The following FRAS1 variants were observed in gnomAD, a reference collection of about 807,000 sequenced individuals.
FRAS1 encodes the protein Fraser extracellular matrix complex subunit 1.
A neutral mutation model predicts 435.2 loss-of-function variants in FRAS1; 290 were observed. That is an observed-to-expected ratio of 0.67 (90% CI 0.61 to 0.73). FRAS1 has a LOEUF of 0.73. FRAS1 is among the 30% of genes least tolerant of loss of function. FRAS1 has a pLI of 0.00. For missense variants in FRAS1, 4,860 were observed against 5,001.5 expected (o/e 0.97, Z 0.85); for synonymous variants, 1,800 against 1,851.0 (o/e 0.97, Z 0.71).
At chr4:78,130,857 A>AT (rs1406840615) in intron 2 of FRAS1, among the ~76,000 whole-genome samples, 1 of 152,216 alleles carries the variant, frequency 6.6e-6, no homozygotes, top group East Asian at 1.9e-4. Flanking sequence ...AACTATAGCT[A>AT]AAAAGTCATA....
At position 78,384,144 on chromosome 4, in the gene FRAS1, G is replaced by A. The variant is rs1250623256; in HGVS notation, c.3648+1G>A. On this transcript the variant is annotated splice_donor_variant, in intron 28 of 73. Coordinates refer to ENST00000512123, the MANE Select transcript of FRAS1 (RefSeq NM_025074.7). LOFTEE classifies it high-confidence loss of function. ...CAACATACAAGCATTTTCAACACAG[G>A]TAATAAAAATGGCCACGTAATTAAT... 1 of 1,578,676 alleles carries A rather than the reference G, an allele frequency of 6.3e-7. No homozygotes were observed. Among genetic ancestry groups the A allele is most frequent in the Admixed American group, 1.9e-5 (1 of 53,482 alleles).
intron 2 of FRAS1, among the ~76,000 whole-genome samples, chr4:78,193,829 T>G (rs1371715905): frequency 6.6e-6 from 1 of 152,196 alleles, no homozygotes; most frequent in East Asian, 1.9e-4. Flanking sequence ...GTTAGCTGGT[T>G]ATTTTGCTTG....
intron 2 of FRAS1, among the ~76,000 whole-genome samples, chr4:78,180,596 A>C (rs1180288113): frequency 1.3e-5 from 2 of 152,326 alleles, no homozygotes; most frequent in African/African-American, 4.8e-5. Context: ...GCAATACAAA[A>C]GTATTCATGA....
chr4:78,152,425 TG>T lies in FRAS1; in HGVS notation c.109-85082del, dbSNP rs1410932716. ...GTTTAGGGCCACTGTCTGCTTATTC[TG>T]GGCTCTCAAAGAGACTAATGTACTT... On this transcript the variant is annotated intron_variant, in intron 2 of 73. Coordinates refer to ENST00000512123, the MANE Select transcript of FRAS1 (RefSeq NM_025074.7). Among the ~76,000 whole-genome samples the T allele has an allele frequency of 3.3e-5, 5 of 152,146 alleles. No individual in the cohort carries two copies. The East Asian group carries it at 9.6e-4, about 29-fold the overall frequency.
intron 56 of FRAS1, among the ~76,000 whole-genome samples, chr4:78,480,771 G>A (rs1719988528): frequency 1.3e-5 from 2 of 152,182 alleles, no homozygotes; most frequent in African/African-American, 4.8e-5. Flanking sequence ...GCTGGCAGAG[G>A]GGCAACAGCT....
chr4:78,076,153 G>A (rs1740627760), intron 2 of FRAS1, among the ~76,000 whole-genome samples: 1 of 152,074 alleles, frequency 6.6e-6, no homozygotes, highest in South Asian at 2.1e-4. Context: ...AGCTTTGGAG[G>A]GGGTGTGGGT....
intron 20 of FRAS1, among the ~76,000 whole-genome samples, chr4:78,346,237 T>C (rs183492487): frequency 5.9e-5 from 9 of 152,252 alleles, no homozygotes; most frequent in African/African-American, 2.2e-4. Context: ...AGCGTCAATG[T>C]TGATTCTGAT....
intron 47 of FRAS1, among the ~76,000 whole-genome samples, chr4:78,457,475 C>G (rs951994624): frequency 5.9e-5 from 9 of 152,112 alleles, no homozygotes; most frequent in Non-Finnish European, 1.3e-4. Flanking sequence ...CAGAGCATTT[C>G]CCCACCCTTC....
At chr4:78,318,723 C>CT in intron 17 of FRAS1, 87 bp from the exon 18 acceptor site, 2 of 1,328,276 alleles carry the variant, frequency 1.5e-6, no homozygotes, top group Non-Finnish European at 2.0e-6. Flanking sequence ...ATTTGGTGAA[C>CT]TTTTCTAAGT....
chr4:78,122,041 A>C (rs1171907563), intron 2 of FRAS1, among the ~76,000 whole-genome samples: 1 of 152,194 alleles, frequency 6.6e-6, no homozygotes, highest in Non-Finnish European at 1.5e-5. Flanking sequence ...GTTTTGTTAC[A>C]TAGGTATACA....
chr4:78,333,633 C>T (rs1375831878), intron 19 of FRAS1, among the ~76,000 whole-genome samples: 5 of 152,178 alleles, frequency 3.3e-5, no homozygotes, highest in Non-Finnish European at 7.3e-5. Context: ...ATCAGCTTTA[C>T]CCTAGAAACT....
intron 15 of FRAS1, among the ~76,000 whole-genome samples, chr4:78,309,807 G>A (rs1728944500): frequency 6.6e-6 from 1 of 152,130 alleles, no homozygotes. Flanking sequence ...TGAAAGGTTT[G>A]AATTGAGTTT....
chr4:78,231,763 A>G (rs1724528242), intron 2 of FRAS1, among the ~76,000 whole-genome samples: 1 of 152,088 alleles, frequency 6.6e-6, no homozygotes. Flanking sequence ...TACTTTCCCA[A>G]GTGAAACAAG....
At chr4:78,515,131 A>G (rs747907001) in intron 65 of FRAS1, among the ~76,000 whole-genome samples, 3 of 151,848 alleles carry the variant, frequency 2.0e-5, no homozygotes, top group Non-Finnish European at 2.9e-5. Flanking sequence ...TCCCTACTGC[A>G]TAAAGTTCTC....
intron 57 of FRAS1, 134 bp downstream of exon 57, chr4:78,482,098 A>G: frequency 1.1e-6 from 1 of 952,278 alleles, no homozygotes; most frequent in East Asian, 2.6e-5. Context: ...ACACACATAC[A>G]TAAACAAGAG....
intron 2 of FRAS1, among the ~76,000 whole-genome samples, chr4:78,163,402 T>C (rs1301204766): frequency 1.3e-5 from 2 of 152,182 alleles, no homozygotes; most frequent in African/African-American, 4.8e-5. Flanking sequence ...TAATTAAATG[T>C]TGGGGTCAAA....
At chr4:78,065,208 T>G (rs963925429) in intron 1 of FRAS1, among the ~76,000 whole-genome samples, 1 of 147,584 alleles carries the variant, frequency 6.8e-6, no homozygotes, top group Non-Finnish European at 1.5e-5. Context: ...ATACTATATA[T>G]GTACTATATA....
intron 2 of FRAS1, among the ~76,000 whole-genome samples, chr4:78,188,522 A>G (rs1160601770): frequency 3.9e-5 from 6 of 152,182 alleles, no homozygotes; most frequent in Admixed American, 2.0e-4. Context: ...AGCTCTACTT[A>G]TAAGGCCTTT....
Position 78,419,017 on chromosome 4 carries a change from T to G in FRAS1, c.4494T>G (p.Ser1498Arg). The change falls in exon 33 of 74, where the codon AGT (serine) becomes AGG (arginine). Residue 1498 changes from serine (S) to arginine (R), a missense_variant. Physicochemically the swap from Ser to Arg is moderately radical, Grantham distance 110. Transcript: ENST00000512123. ...CCTTCATAAACTCTGAGAAGCCAAG[T>G]GGAAAGATTGTCTACAACATCACTC... ...SLSFINSEKP[S>R]GKIVYNITLP... is the part of the protein sequence containing the mutation. The G allele has an allele frequency of 6.2e-7, 1 of 1,601,264 alleles. No individual in the cohort carries two copies. The highest frequency in any genetic ancestry group is 1.1e-5 in the South Asian group (1 of 87,290).
Sources: gnomAD v4.1 joint callset for allele counts (sites outside exome capture counted in the v4.1 genomes callset) on GRCh38, gnomAD v4.1.1 for gene constraint, MANE v1.5 for transcripts, NCBI Gene and HGNC (gene_info 2026-07-23, HGNC 2026-07-21) for gene names.